Variants in ADNP2 observed in about 807,000 individuals in gnomAD.
ADNP2 encodes the protein activity-dependent neuroprotector homeobox protein 2.
In ADNP2, 8 loss-of-function variants were observed where a neutral mutation model predicts 16.4. That is an observed-to-expected ratio of 0.49 (90% CI 0.29 to 0.88). ADNP2 has a LOEUF of 0.88. ADNP2 is among the 40% of genes least tolerant of loss of function. ADNP2 has a pLI of 0.09. For missense variants in ADNP2, 1,397 were observed against 1,395.1 expected, an observed-to-expected ratio of 1.00 and a Z score of -0.02; for synonymous variants, 637 against 545.8, an observed-to-expected ratio of 1.17 and a Z score of -2.33.
chr18:80,128,575 G>T (rs540259567), intron 2 of ADNP2, among the ~76,000 whole-genome samples: 2 of 152,290 alleles, frequency 1.3e-5, no homozygotes, highest in Admixed American at 6.5e-5. Flanking sequence ...GGTTGAACAC[G>T]GGAGGTGGAG....
At position 80,136,231 on chromosome 18, in the gene ADNP2, A is replaced by G. The variant is rs776378935; in HGVS notation, c.818A>G (p.His273Arg). 1.9e-6 allele frequency: 3 copies of G among 1,614,248 alleles called. No homozygotes were observed. The highest frequency in any genetic ancestry group is 2.5e-6 in the Non-Finnish European group (3 of 1,180,026). Residue 273 changes from histidine (H) to arginine (R), a missense_variant, in exon 4 of 4, where the codon CAT becomes CGT. His to Arg is a conservative substitution (Grantham distance 29, BLOSUM62 0). This residue lies in a region of ADNP2 where 777 missense variants were observed against 719.4 expected (regional missense o/e 1.08). Transcript: ENST00000262198. ...QTHIAPKPAA[H>R]LAAPANGSAP... ...CACATTGCTCCAAAACCAGCAGCAC[A>G]TTTGGCTGCACCAGCAAATGGCAGT...
Position 80,136,475 on chromosome 18 carries a change from C to T in ADNP2, c.1062C>T (p.Pro354=), listed in dbSNP as rs145202585. The T allele has an allele frequency of 1.9e-4, 309 of 1,614,142 alleles. No homozygotes were observed. Among genetic ancestry groups the T allele is most frequent in the Admixed American group, 1.1e-3 (68 of 60,022 alleles). Reference sequence around the variant, plus strand: ...CCCTGCAGCCCCCAGCACCTCAGCCCGTCTTTCTTTCTCACGGGGTTCCAC... The same window carrying T: ...CCCTGCAGCCCCCAGCACCTCAGCCTGTCTTTCTTTCTCACGGGGTTCCAC... ...SLTLQPPAPQ[P]VFLSHGVPLH... Residue 354 remains proline (P), a synonymous_variant, in exon 4 of 4, where the codon CCC becomes CCT. Transcript: ENST00000262198.
In ADNP2 at chr18:80,137,175, C is replaced by G. The variant is rs1175908816; in HGVS notation, c.1762C>G (p.Gln588Glu). The change falls in exon 4 of 4, where the codon CAG (glutamine) becomes GAG (glutamate). Residue 588 changes from glutamine (Q) to glutamate (E), a missense_variant. Coordinates refer to ENST00000262198, the MANE Select transcript of ADNP2 (RefSeq NM_014913.4). The surrounding 1 kb of genome is among the most constrained non-coding windows in gnomAD (Gnocchi z 4.2). ...TCAGCCAGTGAGACCTGGTGCTTCG[C>G]AGAACACCACCTTCCTGACATCAGG... Reference protein sequence around the residue: ...VNQPVRPGASQNTTFLTSGSI... With the variant: ...VNQPVRPGASENTTFLTSGSI... 1 of 1,614,222 alleles carries G rather than the reference C, an allele frequency of 6.2e-7. No homozygotes were observed. Among genetic ancestry groups the G allele is most frequent in the East Asian group, 2.2e-5 (1 of 44,892 alleles).
intron 2 of ADNP2, among the ~76,000 whole-genome samples, chr18:80,128,889 A>G (rs570918056): frequency 6.6e-6 from 1 of 152,128 alleles, no homozygotes; most frequent in Non-Finnish European, 1.5e-5. Flanking sequence ...TTAAAATGCC[A>G]CATTTCTGTC....
intron 2 of ADNP2, among the ~76,000 whole-genome samples, chr18:80,131,427 C>CG (rs1329037963): frequency 6.6e-6 from 1 of 152,260 alleles, no homozygotes; most frequent in African/African-American, 2.4e-5. Context: ...ATCCTCTATA[C>CG]GTTCTAGATC....
intron 1 of ADNP2, among the ~76,000 whole-genome samples, chr18:80,113,105 A>G (rs556492383): frequency 6.6e-6 from 1 of 152,202 alleles, no homozygotes; most frequent in Non-Finnish European, 1.5e-5. Flanking sequence ...AGAAATGCAT[A>G]ATGAGGTTAT....
intron 2 of ADNP2, among the ~76,000 whole-genome samples, chr18:80,125,926 A>G (rs989409157): frequency 6.6e-6 from 1 of 152,174 alleles, no homozygotes; most frequent in African/African-American, 2.4e-5. Flanking sequence ...GTTGTATGAG[A>G]GACTCTACAG....
Position 80,140,142 on chromosome 18 carries a change from C to G in ADNP2, c.*1333C>G, listed in dbSNP as rs1318935077. ...GGAGGATGTGACAGCCTCTGAGAAA[C>G]ATAATGTTACTATGTGGATTTTAAA... On this transcript the variant is annotated 3_prime_UTR_variant, in exon 4 of 4. Transcript: ENST00000262198. 1 of 152,158 alleles carries G rather than the reference C, an allele frequency of 6.6e-6. No homozygotes were observed. Among genetic ancestry groups the G allele is most frequent in the African/African-American group, 2.4e-5 (1 of 41,422 alleles). 9.4% of individuals were successfully genotyped at this position (152,158 alleles called of 1,614,324 possible). A position where few individuals can be genotyped will look rare whatever the true frequency, so the allele number is the denominator to read the frequency against.
chr18:80,138,957 C>T lies in ADNP2; in HGVS notation c.*148C>T. ...AGAGTTACTTCAGGTGCTGGAGAGA[C>T]CCCTGTTACCAGGAAGCCAGTAGTT... On this transcript the variant is annotated 3_prime_UTR_variant, in exon 4 of 4. Coordinates refer to ENST00000262198, the MANE Select transcript of ADNP2 (RefSeq NM_014913.4). 3 of 626,280 alleles carry T rather than the reference C, an allele frequency of 4.8e-6. No homozygotes were observed. Among genetic ancestry groups the T allele is most frequent in the Non-Finnish European group, 7.3e-6 (3 of 411,522 alleles). 38.8% of individuals were successfully genotyped at this position (626,280 alleles called of 1,614,324 possible). A position where few individuals can be genotyped will look rare whatever the true frequency, so the allele number is the denominator to read the frequency against.
At chr18:80,124,708 C>G (rs973942361) in intron 2 of ADNP2, among the ~76,000 whole-genome samples, 2 of 152,178 alleles carry the variant, frequency 1.3e-5, no homozygotes, top group African/African-American at 4.8e-5. Context: ...CCCCCACCCT[C>G]TAAACTTGCC....
At chr18:80,131,305 T>C (rs1031760222) in intron 2 of ADNP2, among the ~76,000 whole-genome samples, 1 of 152,182 alleles carries the variant, frequency 6.6e-6, no homozygotes, top group Admixed American at 6.5e-5. Context: ...TTCAGCTGAT[T>C]GTGAGGTTTT....
intron 2 of ADNP2, 36 bp downstream of exon 2, chr18:80,117,686 G>A (rs374371931): frequency 1.3e-6 from 2 of 1,531,682 alleles, no homozygotes; most frequent in South Asian, 1.2e-5. Flanking sequence ...GAATCTGGAG[G>A]TGAGATTTGA....
intron 1 of ADNP2, among the ~76,000 whole-genome samples, chr18:80,114,052 G>C (rs924575595): frequency 6.6e-6 from 1 of 151,922 alleles, no homozygotes; most frequent in Non-Finnish European, 1.5e-5. Context: ...AGTTAGCCAG[G>C]TGTGGTGGCA....
chr18:80,136,533 T>G lies in ADNP2; in HGVS notation c.1120T>G (p.Leu374Val). The change falls in exon 4 of 4, where the codon TTG (leucine) becomes GTG (valine). Residue 374 changes from leucine to valine, a missense_variant. Around this residue, in one of 3 missense-constraint regions of ADNP2, gnomAD observed 777 missense variants for 719.4 expected, o/e 1.08. Transcript: ENST00000262198. Reference protein sequence around the residue: ...HQSVNPPVLPLSQPVGPVNKS... With the variant: ...HQSVNPPVLPVSQPVGPVNKS... ...GTCTGTGAATCCTCCTGTGTTGCCC[T>G]TGAGTCAGCCAGTCGGACCTGTCAA... 1.9e-6 allele frequency: 3 copies of G among 1,614,254 alleles called. No individual in the cohort carries two copies. Among genetic ancestry groups the G allele is most frequent in the Non-Finnish European group, 2.5e-6 (3 of 1,180,054 alleles).
chr18:80,114,041 AAGTT>A (rs2052373892), intron 1 of ADNP2, among the ~76,000 whole-genome samples: 3 of 151,950 alleles, frequency 2.0e-5, no homozygotes, highest in Admixed American at 2.0e-4. Flanking sequence ...AAATAAAAAA[AAGTT>A]AGCCAGGTGT....
intron 2 of ADNP2, among the ~76,000 whole-genome samples, chr18:80,132,235 A>G (rs2052501480): frequency 6.6e-6 from 1 of 152,210 alleles, no homozygotes; most frequent in Admixed American, 6.5e-5. Context: ...TGAGAGCTTT[A>G]TAGTCTGTCC....
chr18:80,115,851 C>T (rs1181355985), intron 1 of ADNP2, among the ~76,000 whole-genome samples: 1 of 152,146 alleles, frequency 6.6e-6, no homozygotes, highest in Non-Finnish European at 1.5e-5. Context: ...CCTCGGCTCA[C>T]TGCAACCTCT....
intron 2 of ADNP2, among the ~76,000 whole-genome samples, chr18:80,123,081 T>C (rs2052435332): frequency 6.6e-6 from 1 of 152,202 alleles, no homozygotes; most frequent in Admixed American, 6.5e-5. Flanking sequence ...ATGTGATTTT[T>C]TTCCCCCGTG....
Position 80,117,556 on chromosome 18 carries a change from C to T in ADNP2, c.14C>T (p.Pro5Leu), listed in dbSNP as rs2052397284. 1 of 1,588,818 alleles carries T rather than the reference C, an allele frequency of 6.3e-7. No individual in the cohort carries two copies. Among genetic ancestry groups the T allele is most frequent in the African/African-American group, 1.4e-5 (1 of 73,300 alleles). The change falls in exon 2 of 4, where the codon CCT becomes CTT. Residue 5 changes from proline to leucine, a missense_variant. Pro to Leu is a moderately conservative substitution (Grantham distance 98). Around this residue, in one of 3 missense-constraint regions of ADNP2, gnomAD observed 777 missense variants for 719.4 expected, o/e 1.08. Transcript: ENST00000262198. MFQI[P>L]VENLDNIRKV... is the part of the protein sequence containing the mutation. ...AAAATTTCAAAAATGTTTCAAATTC[C>T]TGTGGAAAATCTTGACAACATCAGA...
Sources: allele counts gnomAD v4.1 joint callset (sites outside exome capture counted in the v4.1 genomes callset), GRCh38; gene constraint gnomAD v4.1.1; regional missense constraint gnomAD v4.1.1; non-coding constraint Gnocchi (gnomAD v3.1); transcripts MANE v1.5; gene names NCBI Gene and HGNC (gene_info 2026-07-23, HGNC 2026-07-21).